The following FAAH2 variants were observed in gnomAD, a reference collection of about 807,000 sequenced individuals.
The protein encoded by FAAH2 is fatty acid amide hydrolase 2, also known as fatty-acid amide hydrolase 2.
In FAAH2, 60 loss-of-function variants were observed where a neutral mutation model predicts 36.9. The ratio of observed to expected loss-of-function variants is 1.63; its 90% CI spans 1.32 to 2.02. The LOEUF is 2.02. Among genes scored for constraint, FAAH2 ranks in the 30% most tolerant of loss-of-function variants. The probability of loss-of-function intolerance (pLI) is 0.00; values close to 1 mark genes in which losing one functional copy is unlikely to be tolerated. For missense variants in FAAH2, 689 were observed against 397.5 expected (o/e 1.73, Z -6.23); for synonymous variants, 214 against 143.8 (o/e 1.49, Z -3.49).
chrX:57,288,427 G>A (rs2051880501), intron 1 of FAAH2, among the ~76,000 whole-genome samples: 1 of 90,363 alleles, frequency 1.1e-5, no homozygotes, highest in African/African-American at 4.5e-5. Context: ...TTCGCTCACT[G>A]CAAGCTCCGC....
At position 57,297,154 on chromosome X, in the gene FAAH2, G is replaced by A. The variant is rs1180023109; in HGVS notation, c.275+4574G>A. Among the ~76,000 whole-genome samples the A allele has an allele frequency of 6.6e-5, 7 of 106,829 alleles. No individual in the cohort carries two copies. In the South Asian group the frequency reaches 3.1e-3, roughly 47 times the overall value. 92.8% of individuals were successfully genotyped at this position (106,829 alleles called of 115,157 possible). A position where few individuals can be genotyped will look rare whatever the true frequency, so the allele number is the denominator to read the frequency against. ...GCAACTCCAAGACAAATAATTGTCAGATTCACCAAAGTTGAAATGAAGGAA... is the reference window on the plus strand; with the variant it reads ...GCAACTCCAAGACAAATAATTGTCAAATTCACCAAAGTTGAAATGAAGGAA... On this transcript the variant is annotated intron_variant, in intron 2 of 10. Coordinates refer to ENST00000374900, the MANE Select transcript of FAAH2 (RefSeq NM_174912.4).
chrX:57,284,298 C>G (rs913028349), upstream of FAAH2, among the ~76,000 whole-genome samples: 2 of 111,145 alleles, frequency 1.8e-5, no homozygotes, highest in African/African-American at 6.6e-5. Context: ...CACTTGAACC[C>G]GGGAGGCAAA....
chrX:57,394,484 T>G (rs2055244515), intron 7 of FAAH2: 1 of 1,203,461 alleles, frequency 8.3e-7, no homozygotes, highest in Non-Finnish European at 1.1e-6. Context: ...TCGTGATATA[T>G]CAATGTCACT....
chrX:57,314,529 C>T (rs2052782229), intron 3 of FAAH2, among the ~76,000 whole-genome samples: 1 of 111,355 alleles, frequency 9.0e-6, no homozygotes, highest in Non-Finnish European at 1.9e-5. Flanking sequence ...CATGCACACT[C>T]TTGGACCAGA....
rs775586547 is a variant in FAAH2 at position 57,447,025 on chromosome X, C to G, written c.1214C>G (p.Thr405Ser). Residue 405 changes from threonine (T) to serine (S), a missense_variant, in exon 9 of 11, where the codon ACC (threonine) becomes AGC (serine). Transcript: ENST00000374900. ...IKWCLGLSVYTIPSIGLALLE... is the reference protein window; with the variant it reads ...IKWCLGLSVYSIPSIGLALLE... Reference sequence around the variant, plus strand: ...TGGTGCCTGGGTCTGTCAGTGTACACCATCCCTTCCATTGGTATGTAAATC... The same window carrying G: ...TGGTGCCTGGGTCTGTCAGTGTACAGCATCCCTTCCATTGGTATGTAAATC... 5.9e-6 allele frequency: 7 copies of G among 1,180,894 alleles called. No individual in the cohort carries two copies. The highest frequency in any genetic ancestry group is 8.0e-6 in the Non-Finnish European group (7 of 871,284).
chrX:57,367,347 A>C (rs1324556842), intron 5 of FAAH2, among the ~76,000 whole-genome samples: 1 of 112,267 alleles, frequency 8.9e-6, no homozygotes, highest in East Asian at 2.8e-4. Context: ...TGTTATCCAA[A>C]GTGGCTGCAC....
At chrX:57,134,017 G>T in the FAAH2 span, among the ~76,000 whole-genome samples, 1 of 111,343 alleles carries the variant, frequency 9.0e-6, no homozygotes, top group African/African-American at 3.3e-5. Context: ...TTTCTTTGGT[G>T]TCAGAGGTAT....
the FAAH2 span, among the ~76,000 whole-genome samples, chrX:57,271,792 G>GA: frequency 8.0e-4 from 85 of 106,535 alleles, no homozygotes; most frequent in Admixed American, 3.4e-3. Context: ...AGATAGGAAA[G>GA]AAAAAAAAAA....
intron 10 of FAAH2, among the ~76,000 whole-genome samples, chrX:57,451,955 T>C (rs1602712444): frequency 8.9e-6 from 1 of 112,741 alleles, no homozygotes; most frequent in Non-Finnish European, 1.9e-5. Context: ...CAATGTTTCA[T>C]ATCATTGTAT....
the FAAH2 span, among the ~76,000 whole-genome samples, chrX:57,199,009 T>A: frequency 9.0e-6 from 1 of 111,078 alleles, no homozygotes; most frequent in Admixed American, 9.5e-5. Context: ...GGAATTCTTT[T>A]TGTTTTCCTG....
chrX:57,381,129 T>A (rs1387488027), intron 7 of FAAH2, 100 bp downstream of exon 7: 2 of 605,712 alleles, frequency 3.3e-6, no homozygotes, highest in African/African-American at 4.7e-5. Context: ...TGTGTCAGCA[T>A]ACGGAATTAA....
At chrX:57,390,117 G>A (rs1484472180) in intron 7 of FAAH2, among the ~76,000 whole-genome samples, 1 of 111,501 alleles carries the variant, frequency 9.0e-6, no homozygotes, top group East Asian at 2.8e-4. Context: ...TTTTACAAAT[G>A]TTTTATCCCA....
intron 7 of FAAH2, among the ~76,000 whole-genome samples, chrX:57,388,358 T>A (rs1428238604): frequency 9.0e-6 from 1 of 111,251 alleles, no homozygotes; most frequent in Non-Finnish European, 1.9e-5. Flanking sequence ...TCAAACTTTG[T>A]GGGGGATATT....
At chrX:57,301,607 TATAATAATAATAATAATA>T (rs200729067) in intron 2 of FAAH2, among the ~76,000 whole-genome samples, 5 of 100,238 alleles carry the variant, frequency 5.0e-5, no homozygotes, top group East Asian at 3.1e-4. Context: ...AAACTTAAAG[TATAATAATAATAATAATA>T]ATAATAATAA....
the FAAH2 span, among the ~76,000 whole-genome samples, chrX:57,165,293 A>G: frequency 1.8e-5 from 2 of 112,445 alleles, no homozygotes; most frequent in Admixed American, 9.4e-5. Flanking sequence ...ACCAACCCAA[A>G]TGTCCAACAA....
At chrX:57,358,339 A>G (rs761380142) in intron 5 of FAAH2, among the ~76,000 whole-genome samples, 1 of 110,674 alleles carries the variant, frequency 9.0e-6, no homozygotes, top group East Asian at 2.8e-4. Context: ...TATCACATGA[A>G]TAGCAATTCC....
the FAAH2 span, among the ~76,000 whole-genome samples, chrX:57,149,399 G>C: frequency 9.0e-6 from 1 of 111,289 alleles, no homozygotes; most frequent in African/African-American, 3.3e-5. Context: ...GACTTTTTTT[G>C]GTTGGTAAGC....
chrX:57,430,668 C>T (rs952412096), intron 7 of FAAH2, among the ~76,000 whole-genome samples: 1 of 112,104 alleles, frequency 8.9e-6, no homozygotes, highest in Non-Finnish European at 1.9e-5. Context: ...ATTCTGATTG[C>T]TGCTTTGACT....
the FAAH2 span, among the ~76,000 whole-genome samples, chrX:57,159,086 T>C: frequency 8.9e-6 from 1 of 112,558 alleles, no homozygotes; most frequent in Non-Finnish European, 1.9e-5. Flanking sequence ...GTACCATTTA[T>C]TAAATAGAGA....
Sources: gnomAD v4.1 joint callset for allele counts (sites outside exome capture counted in the v4.1 genomes callset) on GRCh38, gnomAD v4.1.1 for gene constraint, MANE v1.5 for transcripts, NCBI Gene and HGNC (gene_info 2026-07-23, HGNC 2026-07-21) for gene names.